LNX1: variants seen among roughly 807,000 people sequenced by gnomAD.
LNX1 encodes ligand of numb-protein X 1, also known as E3 ubiquitin-protein ligase LNX.
A neutral mutation model predicts 68.4 loss-of-function variants in LNX1; 54 were observed. That is an observed-to-expected ratio of 0.79 (90% CI 0.63 to 0.99). The LOEUF (loss-of-function observed/expected upper bound fraction) is 0.99. Ranked by LOEUF, LNX1 falls within the 50% of genes least tolerant of loss-of-function variation. The pLI is 0.00. For synonymous variants in LNX1, 336 were observed against 350.0 expected (o/e 0.96, Z 0.45); for missense variants, 906 against 926.4 (o/e 0.98, Z 0.29).
At chr4:53,565,842 G>A (rs1408075990) in intron 2 of LNX1, among the ~76,000 whole-genome samples, 15 of 152,196 alleles carry the variant, frequency 9.9e-5, no homozygotes, top group African/African-American at 3.1e-4. Context: ...CGAGAACTAC[G>A]TGAAGAATGC....
intron 1 of LNX1, among the ~76,000 whole-genome samples, chr4:53,626,801 T>A (rs1346228131): frequency 6.6e-6 from 1 of 152,070 alleles, no homozygotes; most frequent in Non-Finnish European, 1.5e-5. Flanking sequence ...GAGCTTATAA[T>A]CATAAAAACC....
chr4:53,464,252 T>A (rs560791287), intron 9 of LNX1, among the ~76,000 whole-genome samples: 1 of 152,232 alleles, frequency 6.6e-6, no homozygotes, highest in African/African-American at 2.4e-5. Flanking sequence ...CTTAATAGAT[T>A]CCAGTGAGTA....
intron 10 of LNX1, 112 bp from the exon 11 acceptor site, chr4:53,461,154 G>GTT (rs2150546753): frequency 1.2e-6 from 1 of 846,766 alleles, no homozygotes; most frequent in African/African-American, 1.7e-5. Flanking sequence ...TTTTAATTAT[G>GTT]TTAACTTCTA....
intron 6 of LNX1, among the ~76,000 whole-genome samples, chr4:53,492,532 A>AGAGAGAGAGAGAGAGAGAGAGAGAGG: frequency 6.6e-6 from 1 of 151,466 alleles, no homozygotes; most frequent in South Asian, 2.1e-4. Flanking sequence ...AGAGAGAGAG[A>AGAGAGAGAGAGAGAGAGAGAGAGAGG]GAGAGAGAGA....
upstream of LNX1, chr4:53,592,831 A>T (rs1011881638): frequency 3.3e-5 from 5 of 152,218 alleles, no homozygotes; most frequent in African/African-American, 1.2e-4. Flanking sequence ...GGCTGCAGTC[A>T]GTCAATAGCT....
intron 4 of LNX1, chr4:53,501,856 T>C (rs1432190072): frequency 6.6e-6 from 1 of 152,212 alleles, no homozygotes; most frequent in Non-Finnish European, 1.5e-5. Flanking sequence ...AGCTTCCTAG[T>C]GTGTCTGAGG....
intron 9 of LNX1, among the ~76,000 whole-genome samples, chr4:53,467,217 T>A (rs893315753): frequency 2.0e-5 from 3 of 152,148 alleles, no homozygotes; most frequent in African/African-American, 7.2e-5. Flanking sequence ...CCGCTGCTGA[T>A]ACTCAGGCAA....
At chr4:53,501,963 A>C (rs939707243) in intron 4 of LNX1, 3 of 152,182 alleles carry the variant, frequency 2.0e-5, no homozygotes, top group Non-Finnish European at 4.4e-5. Context: ...ACAACTCTAT[A>C]CAAGAGCTCC....
At chr4:53,621,998 A>T (rs2616417), upstream of LNX1, among the ~76,000 whole-genome samples, 1 of 151,898 alleles carries the variant, frequency 6.6e-6, no homozygotes, top group Non-Finnish European at 1.5e-5. Flanking sequence ...TCTCATATAC[A>T]TTGGTGCAGA....
At chr4:53,647,161 T>C (rs1207673599) in intron 1 of LNX1, among the ~76,000 whole-genome samples, 5 of 152,194 alleles carry the variant, frequency 3.3e-5, no homozygotes, top group Non-Finnish European at 7.3e-5. Context: ...TCTCTAAATT[T>C]TGTGTGCAGA....
intron 2 of LNX1, among the ~76,000 whole-genome samples, chr4:53,566,571 T>G (rs1183490551): frequency 6.7e-6 from 1 of 149,456 alleles, no homozygotes; most frequent in Non-Finnish European, 1.5e-5. Context: ...CCATCGAGAC[T>G]AGGAAGAAAC....
At chr4:53,488,033 A>C (rs891337807) in intron 6 of LNX1, among the ~76,000 whole-genome samples, 1 of 152,216 alleles carries the variant, frequency 6.6e-6, no homozygotes, top group African/African-American at 2.4e-5. Context: ...TTGTGAAGGC[A>C]CTGGTTCCAT....
At chr4:53,587,445 T>TC (rs1732245061) in intron 1 of LNX1, among the ~76,000 whole-genome samples, 1 of 152,184 alleles carries the variant, frequency 6.6e-6, no homozygotes, top group Admixed American at 6.5e-5. Flanking sequence ...GGAGGCATTG[T>TC]CAGAGGACAA....
At chr4:53,617,227 A>T (rs1733712488) in intron 1 of LNX1, 2 of 152,202 alleles carry the variant, frequency 1.3e-5, no homozygotes, top group Admixed American at 1.3e-4. Context: ...AAAAGAGAGC[A>T]AAGGAGTTTT....
chr4:53,576,430 C>G, intron 1 of LNX1: 2 of 1,454,046 alleles, frequency 1.4e-6, no homozygotes, highest in Non-Finnish European at 1.8e-6. Flanking sequence ...CTTGGACAGG[C>G]ACCTCAGATG....
At chr4:53,554,520 A>C (rs1729752932) in intron 2 of LNX1, among the ~76,000 whole-genome samples, 1 of 152,238 alleles carries the variant, frequency 6.6e-6, no homozygotes, top group Admixed American at 6.5e-5. Flanking sequence ...CAGAGGCCTC[A>C]CCATCTCCCT....
intron 2 of LNX1, among the ~76,000 whole-genome samples, chr4:53,538,373 C>T (rs1310411064): frequency 1.3e-5 from 2 of 152,194 alleles, no homozygotes; most frequent in African/African-American, 2.4e-5. Flanking sequence ...CTACCTAGAA[C>T]AGCTTTCCCT....
chr4:53,463,728 A>AAATGAGTT (rs1722393094), intron 9 of LNX1, among the ~76,000 whole-genome samples: 1 of 152,158 alleles, frequency 6.6e-6, no homozygotes. Context: ...AAATTTAATG[A>AAATGAGTT]AATGAGTTAA....
At chr4:53,468,906 C>G (rs960516650) in intron 9 of LNX1, among the ~76,000 whole-genome samples, 1 of 152,108 alleles carries the variant, frequency 6.6e-6, no homozygotes, top group Non-Finnish European at 1.5e-5. Context: ...CTTTAACACC[C>G]CATTGTCAAC....
Sources: gnomAD v4.1 joint callset for allele counts (sites outside exome capture counted in the v4.1 genomes callset) on GRCh38, gnomAD v4.1.1 for gene constraint, MANE v1.5 for transcripts, NCBI Gene and HGNC (gene_info 2026-07-23, HGNC 2026-07-21) for gene names.